NCAPG2: variants seen among roughly 807,000 people sequenced by gnomAD.
NCAPG2 encodes the protein non-SMC condensin II complex subunit G2.
Under a neutral mutation model 141.1 loss-of-function variants are expected in NCAPG2, and 53 were observed. The observed-to-expected ratio is 0.38, with a 90% CI of 0.30 to 0.47. The LOEUF (loss-of-function observed/expected upper bound fraction) is 0.47. Ranked by LOEUF, NCAPG2 falls within the 20% of genes least tolerant of loss-of-function variation. The pLI is 0.99. For synonymous variants in NCAPG2, 499 were observed against 490.7 expected (o/e 1.02, Z -0.22); for missense variants, 1,087 against 1,389.0 (o/e 0.78, Z 3.46).
chr7:158,641,594 T>C (rs963730117), intron 27 of NCAPG2: 2 of 591,450 alleles, frequency 3.4e-6, no homozygotes, highest in African/African-American at 3.8e-5. Context: ...TAAAAAGATA[T>C]ACCATGCTTA....
At chr7:158,651,672 C>G (rs1408561840) in intron 23 of NCAPG2, among the ~76,000 whole-genome samples, 1 of 152,210 alleles carries the variant, frequency 6.6e-6, no homozygotes, top group East Asian at 1.9e-4. Context: ...TGAAGCAAAT[C>G]TGGCAGACAG....
chr7:158,698,342 C>T (rs1835582259), intron 2 of NCAPG2, among the ~76,000 whole-genome samples: 1 of 152,210 alleles, frequency 6.6e-6, no homozygotes, highest in South Asian at 2.1e-4. Context: ...TTCACATTTA[C>T]TCACTACTCA....
chr7:158,674,805 GTTC>G (rs1312777218), intron 12 of NCAPG2, among the ~76,000 whole-genome samples: 6 of 152,346 alleles, frequency 3.9e-5, no homozygotes, highest in Non-Finnish European at 7.3e-5. Context: ...AGTGAGATCA[GTTC>G]TTCTTAGGTC....
chr7:158,668,239 G>GCCCTCCTTACCTACCTTGTGTCCCTAGGC (rs1833366601), intron 13 of NCAPG2: 1 of 72,936 alleles, frequency 1.4e-5, no homozygotes, highest in African/African-American at 5.6e-4. Flanking sequence ...GGGTCCCTCT[G>GCCCTCCTTACCTACCTTGTGTCCCTAGGC]CCCTCCTTAC....
Position 158,671,535 on chromosome 7 carries a change from G to C in NCAPG2, c.1458C>G (p.Ile486Met), listed in dbSNP as rs1296042465. 1 of 1,614,158 alleles carries C rather than the reference G, an allele frequency of 6.2e-7. No homozygotes were observed. The highest frequency in any genetic ancestry group is 8.5e-7 in the Non-Finnish European group (1 of 1,180,022). ...RVAFVDMLLKIKAVRAAKFWK... is the reference protein window; with the variant it reads ...RVAFVDMLLKMKAVRAAKFWK... ...CTACCTTAGCAGCCCTCACAGCTTT[G>C]ATCTTCAACAGCATGTCCACAAAAG... The change falls in exon 13 of 28, where the codon ATC becomes ATG. Residue 486 changes from isoleucine to methionine, a missense_variant. Physicochemically the swap from Ile to Met is conservative, Grantham distance 10. Transcript: ENST00000356309.
intron 25 of NCAPG2, 63 bp downstream of exon 25, chr7:158,646,396 CA>C: frequency 1.6e-6 from 2 of 1,221,786 alleles, no homozygotes; most frequent in East Asian, 5.2e-5. Context: ...AGGAATAGAA[CA>C]AAAGCTGCTG....
intron 27 of NCAPG2, among the ~76,000 whole-genome samples, chr7:158,634,573 A>G (rs1381600366): frequency 6.6e-6 from 1 of 152,178 alleles, no homozygotes; most frequent in Non-Finnish European, 1.5e-5. Context: ...ACCAGGTAGT[A>G]AAGAGCTACT....
intron 22 of NCAPG2, 21 bp from the exon 23 acceptor site, chr7:158,652,501 T>C: frequency 1.9e-6 from 3 of 1,542,738 alleles, no homozygotes; most frequent in Non-Finnish European, 2.7e-6. Context: ...AATTGGAATA[T>C]ATCAGTTTTC....
chr7:158,652,145 T>C, intron 23 of NCAPG2, 148 bp downstream of exon 23: 1 of 767,208 alleles, frequency 1.3e-6, no homozygotes, highest in South Asian at 1.8e-5. Context: ...TCCATCTCTC[T>C]CAGTGCACCT....
At chr7:158,660,719 G>A (rs151070711) in intron 16 of NCAPG2, among the ~76,000 whole-genome samples, 2 of 152,232 alleles carry the variant, frequency 1.3e-5, no homozygotes, top group Non-Finnish European at 2.9e-5. Context: ...CCCAGCTAAT[G>A]AGCTTTACCA....
intron 22 of NCAPG2, among the ~76,000 whole-genome samples, chr7:158,653,387 A>AT (rs1554553515): frequency 0.14 from 20,942 of 146,086 alleles, 2,102 homozygotes; most frequent in East Asian, 0.51. Context: ...ATAAAAAAAA[A>AT]AATAATAATA....
intron 17 of NCAPG2, among the ~76,000 whole-genome samples, chr7:158,657,829 G>A (rs1450584468): frequency 6.6e-6 from 1 of 152,104 alleles, no homozygotes; most frequent in East Asian, 1.9e-4. Flanking sequence ...TCTGCCTTGG[G>A]ATCCTGTTGA....
At chr7:158,667,571 T>C in intron 13 of NCAPG2, among the ~76,000 whole-genome samples, 1 of 16,896 alleles carries the variant, frequency 5.9e-5, no homozygotes, top group African/African-American at 2.6e-4. Context: ...ACTGGGTCCC[T>C]CCGCCCTCCC....
intron 27 of NCAPG2, among the ~76,000 whole-genome samples, chr7:158,638,155 A>G (rs1330080976): frequency 1.3e-5 from 2 of 152,110 alleles, no homozygotes; most frequent in African/African-American, 4.8e-5. Context: ...AAAAACAAAC[A>G]AAAAAATCCC....
intron 27 of NCAPG2, among the ~76,000 whole-genome samples, chr7:158,634,957 C>T (rs1830092225): frequency 6.6e-6 from 1 of 152,172 alleles, no homozygotes; most frequent in Non-Finnish European, 1.5e-5. Context: ...ACACACAGAC[C>T]AGACCATGTG....
chr7:158,691,127 C>A (rs1025792573), intron 4 of NCAPG2, among the ~76,000 whole-genome samples: 16 of 152,306 alleles, frequency 1.1e-4, no homozygotes, highest in Middle Eastern at 3.4e-3. Flanking sequence ...CCTCAATGTG[C>A]CAGCCTCAAA....
In NCAPG2 at chr7:158,664,684, G is replaced by C; in HGVS notation, c.1546C>G (p.Arg516Gly). 6.2e-7 allele frequency: 1 copy of C among 1,614,140 alleles called. No homozygotes were observed. The highest frequency in any genetic ancestry group is 8.5e-7 in the Non-Finnish European group (1 of 1,180,026). The change falls in exon 14 of 28, where the codon CGG (arginine) becomes GGG (glycine). Residue 516 changes from arginine to glycine, a missense_variant. Arg to Gly is a moderately radical substitution (Grantham distance 125). Coordinates refer to ENST00000356309, the MANE Select transcript of NCAPG2 (RefSeq NM_017760.7). ...RLETDSRPVS[R>G]RLVSLIFNSF... Reference sequence around the variant, plus strand: ...TTAAAGATGAGGCTCACCAGGCGCCGAGACACAGGTCGAGAATCAGTTTCC... The same window carrying C: ...TTAAAGATGAGGCTCACCAGGCGCCCAGACACAGGTCGAGAATCAGTTTCC...
chr7:158,665,431 G>A (rs1210196927), intron 13 of NCAPG2: 1 of 152,304 alleles, frequency 6.6e-6, no homozygotes, highest in African/African-American at 2.4e-5. Flanking sequence ...AAAGAAAAAT[G>A]CAGAACATGA....
Position 158,631,669 on chromosome 7 carries a change from T to C in NCAPG2, c.3429A>G (p.Ser1143=). 1.9e-6 allele frequency: 3 copies of C among 1,593,068 alleles called. No individual in the cohort carries two copies. Among genetic ancestry groups the C allele is most frequent in the East Asian group, 2.2e-5 (1 of 44,736 alleles). ...SSRTLGELLN[S] ...ATGTCTGGAGATGTTGGCTTGGTTA[T>C]GAATTCAAAAGTTCTCCCAGAGTTC... Residue 1143 remains serine, a synonymous_variant, in exon 28 of 28, where the codon TCA becomes TCG. Coordinates refer to ENST00000356309, the MANE Select transcript of NCAPG2 (RefSeq NM_017760.7).
Sources: gnomAD v4.1 joint callset for allele counts (sites outside exome capture counted in the v4.1 genomes callset) on GRCh38, gnomAD v4.1.1 for gene constraint, MANE v1.5 for transcripts, NCBI Gene and HGNC (gene_info 2026-07-23, HGNC 2026-07-21) for gene names.